CFAP65: variants seen among roughly 807,000 people sequenced by gnomAD.
The protein encoded by CFAP65 is cilia- and flagella-associated protein 65.
In CFAP65, 155 loss-of-function variants were observed where a neutral mutation model predicts 208.0. That is an observed-to-expected ratio of 0.75 (90% CI 0.65 to 0.85). The LOEUF is 0.85. Among genes scored for constraint, CFAP65 ranks in the 40% least tolerant of loss-of-function variants. CFAP65 has a pLI of 0.00. For synonymous variants in CFAP65, 970 were observed against 986.3 expected (o/e 0.98, Z 0.31); for missense variants, 2,294 against 2,451.3 (o/e 0.94, Z 1.36).
chr2:219,014,246 A>T (rs1946687030), intron 21 of CFAP65: 1 of 458,180 alleles, frequency 2.2e-6, no homozygotes, highest in African/African-American at 2.0e-5. Context: ...AAACCCAGGA[A>T]CAGACTCTGG....
intron 30 of CFAP65, 101 bp from the exon 31 acceptor site, chr2:219,006,324 C>T: frequency 1.4e-6 from 2 of 1,480,668 alleles, no homozygotes; most frequent in Non-Finnish European, 1.9e-6. Flanking sequence ...CTTTGGGCCA[C>T]ATAAGCGTGT....
intron 4 of CFAP65, among the ~76,000 whole-genome samples, chr2:219,037,801 G>A (rs1948452716): frequency 6.6e-6 from 1 of 152,108 alleles, no homozygotes; most frequent in Non-Finnish European, 1.5e-5. Flanking sequence ...AAGGAGCTGG[G>A]CACCATACAC....
chr2:219,038,318 C>G, intron 4 of CFAP65, 57 bp downstream of exon 4: 4 of 1,546,710 alleles, frequency 2.6e-6, no homozygotes, highest in Non-Finnish European at 3.5e-6. Flanking sequence ...CCCTGCCACC[C>G]ATGCCCCGCC....
intron 12 of CFAP65, 87 bp downstream of exon 12, chr2:219,028,111 GACT>G (rs1947769357): frequency 1.3e-6 from 2 of 1,559,292 alleles, no homozygotes; most frequent in Non-Finnish European, 1.7e-6. Context: ...CAGTCGCCCT[GACT>G]ACTAATGGTG....
rs1948135429 is a variant in CFAP65 at position 219,032,809 on chromosome 2, G to A, written c.543-237C>T. On this transcript the variant is annotated intron_variant, in intron 5 of 34. Transcript: ENST00000341552. This position sits in a 1 kb window ranked among gnomAD's most constrained non-coding sequence, Gnocchi z 5.5. ...TCACTCTGAACAAAAGGGGAGTAGT[G>A]TTTGTACCTCTGATGAGCATGGAGG... 6.6e-6 allele frequency among the ~76,000 whole-genome samples: 1 copy of A among 152,142 alleles called. No individual in the cohort carries two copies. Among genetic ancestry groups the A allele is most frequent in the Non-Finnish European group, 1.5e-5 (1 of 68,024 alleles).
At chr2:219,030,543 C>T in intron 9 of CFAP65, 146 bp downstream of exon 9, 1 of 1,117,832 alleles carries the variant, frequency 8.9e-7, no homozygotes. Context: ...AGGAGAAGGA[C>T]ACACCTGTTG....
intron 3 of CFAP65, 94 bp from the exon 4 acceptor site, chr2:219,038,672 G>A (rs1171973960): frequency 2.3e-6 from 3 of 1,278,236 alleles, no homozygotes; most frequent in African/African-American, 2.9e-5. Flanking sequence ...TCATGGAGGA[G>A]AGGGTCTGCT....
At position 219,031,057 on chromosome 2, in the gene CFAP65, G is replaced by T; in HGVS notation, c.1015+49C>A. ...GGGACACTGAGGCCTGGAGGACCCA[G>T]AAGGTGCAGGAGGGGCCAGTCTGGG... On this transcript the variant is annotated intron_variant, in intron 8 of 34. Transcript: ENST00000341552. This position sits in a 1 kb window ranked among gnomAD's most constrained non-coding sequence, Gnocchi z 5.2. The T allele has an allele frequency of 6.5e-7, 1 of 1,540,036 alleles. No individual in the cohort carries two copies. Among genetic ancestry groups the T allele is most frequent in the Admixed American group, 2.0e-5 (1 of 51,024 alleles).
chr2:219,005,894 A>G (rs1945935104), intron 31 of CFAP65, 127 bp downstream of exon 31: 4 of 979,918 alleles, frequency 4.1e-6, no homozygotes, highest in South Asian at 1.6e-5. Flanking sequence ...GAGGCGCTCA[A>G]TGAGCCCCAC....
At position 219,019,240 on chromosome 2, in the gene CFAP65, G is replaced by A. The variant is rs1156573283; in HGVS notation, c.3474-61C>T. 7 of 1,538,760 alleles carry A rather than the reference G, an allele frequency of 4.5e-6. No individual in the cohort carries two copies. In the East Asian group the frequency reaches 1.1e-4, roughly 25 times the overall value. On this transcript the variant is annotated intron_variant, in intron 20 of 34. Coordinates refer to ENST00000341552, the MANE Select transcript of CFAP65 (RefSeq NM_194302.4). ...ATGGGGCCAGGGCAGGGCCCTCCCA[G>A]GGATGGCTGGCTTGGGCACTCCCCT...
rs965630045 is a variant in CFAP65, at chr2:219,010,185, C to T, written c.4309-100G>A. 1.0e-4 allele frequency: 124 copies of T among 1,236,962 alleles called. 1 individual carries two copies. Among genetic ancestry groups the T allele is most frequent in the South Asian group, 6.5e-5 (4 of 61,216 alleles). 76.6% of individuals were successfully genotyped at this position (1,236,962 alleles called of 1,614,324 possible). A position where few individuals can be genotyped will look rare whatever the true frequency, so the allele number is the denominator to read the frequency against. On this transcript the variant is annotated intron_variant, in intron 26 of 34. Transcript: ENST00000341552. ...TTGGGAGGCCAAGGTGGGAGGATCA[C>T]GAGGTCAGAAAATCGAGACCACTGT...
chr2:219,004,255 G>A lies in CFAP65; in HGVS notation c.5252C>T (p.Pro1751Leu). The part of the protein sequence containing the change: ...GKGKQPKEDR[P>L]EHYPGLGKKE... ...CTTTCCCAACCCTGGATAGTGCTCT[G>A]GTCTGTCTTCCTTCGGCTGCTTGCC... Residue 1751 changes from proline (P) to leucine (L), a missense_variant, in exon 33 of 35, where the codon CCA (proline) becomes CTA (leucine). This residue lies in a region of CFAP65 where 1,427 missense variants were observed against 1,438.7 expected (regional missense o/e 0.99). Transcript: ENST00000341552. This position sits in a 1 kb window ranked among gnomAD's most constrained non-coding sequence, Gnocchi z 4.7. 1 of 1,613,922 alleles carries A rather than the reference G, an allele frequency of 6.2e-7. No homozygotes were observed. The highest frequency in any genetic ancestry group is 1.1e-5 in the South Asian group (1 of 91,062).
chr2:219,032,627 A>G lies in CFAP65; in HGVS notation c.543-55T>C. On this transcript the variant is annotated intron_variant, in intron 5 of 34. Coordinates refer to ENST00000341552, the MANE Select transcript of CFAP65 (RefSeq NM_194302.4). This position sits in a 1 kb window ranked among gnomAD's most constrained non-coding sequence, Gnocchi z 5.5. ...CAGATCAGGGCTCAGAACAACTGGA[A>G]GAGGCAGGAAACGAGGGAAGCCCTG... 1 of 1,481,200 alleles carries G rather than the reference A, an allele frequency of 6.8e-7. No individual in the cohort carries two copies. The highest frequency in any genetic ancestry group is 9.2e-7 in the Non-Finnish European group (1 of 1,085,344). The allele number at this position is 1,481,200 out of a possible 1,614,324, so 91.8% of individuals were successfully genotyped here. A position where few individuals can be genotyped will look rare whatever the true frequency, so the allele number is the denominator to read the frequency against.
chr2:219,029,836 C>T (rs187598981), intron 10 of CFAP65, 150 bp downstream of exon 10: 37 of 1,129,376 alleles, frequency 3.3e-5, no homozygotes, highest in Admixed American at 2.5e-4. Flanking sequence ...CAGGTAGTCA[C>T]GGATGATTCC....
rs1362273554 is a variant in CFAP65 at position 219,032,770 on chromosome 2, A to G, written c.543-198T>C. ...GACCCACCCTCCTCCTCCCCCTCCT[A>G]TTCTCAGAGATCTTCACTCTGAACA... On this transcript the variant is annotated intron_variant, in intron 5 of 34. Transcript: ENST00000341552. This position sits in a 1 kb window ranked among gnomAD's most constrained non-coding sequence, Gnocchi z 5.5. Among the ~76,000 whole-genome samples the G allele has an allele frequency of 2.6e-5, 4 of 151,568 alleles. No individual in the cohort carries two copies. The highest frequency in any genetic ancestry group is 5.9e-5 in the Non-Finnish European group (4 of 67,866).
intron 17 of CFAP65, 75 bp downstream of exon 17, chr2:219,022,096 G>A: frequency 1.3e-6 from 2 of 1,512,500 alleles, no homozygotes; most frequent in East Asian, 2.3e-5. Context: ...CACCTTGGGA[G>A]GTTCCCTGGG....
chr2:219,017,770 C>G (rs957491967), intron 21 of CFAP65, among the ~76,000 whole-genome samples: 2 of 152,254 alleles, frequency 1.3e-5, no homozygotes, highest in African/African-American at 4.8e-5. Flanking sequence ...GCTTTTTCTG[C>G]CCCCAACCCT....
In CFAP65 at chr2:219,004,256, G is replaced by GT. The variant is rs1559110771; in HGVS notation, c.5250dup (p.Pro1751ThrfsTer19). 6.2e-7 allele frequency: 1 copy of GT among 1,613,642 alleles called. No individual in the cohort carries two copies. The highest frequency in any genetic ancestry group is 8.5e-7 in the Non-Finnish European group (1 of 1,179,984). On this transcript the variant is annotated frameshift_variant, in exon 33 of 35. Coordinates refer to ENST00000341552, the MANE Select transcript of CFAP65 (RefSeq NM_194302.4). LOFTEE classifies it high-confidence loss of function. The surrounding 1 kb of genome is among the most constrained non-coding windows in gnomAD (Gnocchi z 4.7). The stretch of plus-strand genomic sequence containing the variant: ...TTTCCCAACCCTGGATAGTGCTCTG[G>GT]TCTGTCTTCCTTCGGCTGCTTGCCC...
chr2:219,028,045 G>A, intron 12 of CFAP65, 36 bp from the exon 13 acceptor site: 1 of 1,521,160 alleles, frequency 6.6e-7, no homozygotes. Flanking sequence ...GGGCTCAACT[G>A]CCATTCCTCT....
Sources: allele counts gnomAD v4.1 joint callset (sites outside exome capture counted in the v4.1 genomes callset), GRCh38; gene constraint gnomAD v4.1.1; regional missense constraint gnomAD v4.1.1; non-coding constraint Gnocchi (gnomAD v3.1); transcripts MANE v1.5; gene names NCBI Gene and HGNC (gene_info 2026-07-23, HGNC 2026-07-21).